Variants in CRPPA observed in about 807,000 individuals in gnomAD.
The protein encoded by CRPPA is CDP-L-ribitol pyrophosphorylase A.
A neutral mutation model predicts 52.0 loss-of-function variants in CRPPA; 43 were observed. That is an observed-to-expected ratio of 0.83 (90% CI 0.65 to 1.07). CRPPA has a LOEUF of 1.07. CRPPA is among the 50% of genes least tolerant of loss of function. The pLI is 0.00. For missense variants in CRPPA, 629 were observed against 551.7 expected (o/e 1.14, Z -1.40); for synonymous variants, 250 against 203.5 (o/e 1.23, Z -1.94).
At chr7:16,360,259 A>G (rs1365144841) in intron 3 of CRPPA, among the ~76,000 whole-genome samples, 2 of 152,208 alleles carry the variant, frequency 1.3e-5, no homozygotes, top group Non-Finnish European at 2.9e-5. Flanking sequence ...GCTGTATTTT[A>G]TACTATTAAA....
At chr7:16,214,328 A>G (rs1291340690) in intron 9 of CRPPA, among the ~76,000 whole-genome samples, 1 of 152,192 alleles carries the variant, frequency 6.6e-6, no homozygotes, top group Non-Finnish European at 1.5e-5. Context: ...CCCTAGCCAA[A>G]TGAGAGTTCC....
At chr7:16,126,275 T>C (rs1004039800) in intron 9 of CRPPA, among the ~76,000 whole-genome samples, 3 of 152,160 alleles carry the variant, frequency 2.0e-5, no homozygotes, top group African/African-American at 7.2e-5. Context: ...TGAAATCATG[T>C]GGGCACTTTG....
intron 3 of CRPPA, among the ~76,000 whole-genome samples, chr7:16,310,607 G>A (rs1186666503): frequency 3.3e-5 from 5 of 152,222 alleles, no homozygotes; most frequent in South Asian, 2.1e-4. Flanking sequence ...GGAAAGAGTC[G>A]TGTGACTCAT....
chr7:16,216,524 A>C, intron 8 of CRPPA: 2 of 248,082 alleles, frequency 8.1e-6, no homozygotes, highest in Non-Finnish European at 1.6e-5. Flanking sequence ...TTTCCATCTG[A>C]GGTACCGGGT....
intron 3 of CRPPA, among the ~76,000 whole-genome samples, chr7:16,374,664 T>C (rs1262219997): frequency 6.6e-6 from 1 of 152,110 alleles, no homozygotes; most frequent in Admixed American, 6.5e-5. Context: ...TACTCTTTCC[T>C]CCTGTCCCCA....
At chr7:16,182,483 G>A (rs1781430738) in intron 9 of CRPPA, among the ~76,000 whole-genome samples, 1 of 151,976 alleles carries the variant, frequency 6.6e-6, no homozygotes, top group African/African-American at 2.4e-5. Flanking sequence ...TGTTACAAAG[G>A]TGCTTTATAT....
At chr7:16,371,445 T>C (rs929246023) in intron 3 of CRPPA, among the ~76,000 whole-genome samples, 2 of 151,794 alleles carry the variant, frequency 1.3e-5, no homozygotes, top group African/African-American at 4.8e-5. Context: ...ACTCAGGAAC[T>C]CATGCAGCAT....
intron 9 of CRPPA, among the ~76,000 whole-genome samples, chr7:16,179,773 T>C (rs1781375150): frequency 6.6e-6 from 1 of 152,092 alleles, no homozygotes; most frequent in African/African-American, 2.4e-5. Context: ...CACTGTGGCA[T>C]ACGTTATTTG....
intron 6 of CRPPA, among the ~76,000 whole-genome samples, chr7:16,265,407 A>G (rs956127845): frequency 3.3e-5 from 5 of 152,214 alleles, no homozygotes; most frequent in African/African-American, 1.2e-4. Context: ...TGCAACTTAA[A>G]AGTCACAGCA....
chr7:16,143,946 A>G (rs1156475791), intron 9 of CRPPA, among the ~76,000 whole-genome samples: 3 of 152,190 alleles, frequency 2.0e-5, no homozygotes, highest in African/African-American at 7.2e-5. Context: ...TATTAACAAG[A>G]TGGGGGAACA....
chr7:16,286,038 A>T (rs1033532326), intron 5 of CRPPA, among the ~76,000 whole-genome samples: 915 of 17,386 alleles, frequency 0.053, 28 homozygotes, highest in African/African-American at 0.083. Flanking sequence ...AAAAAAAAAA[A>T]ATATAAATAT....
At chr7:16,307,916 A>G (rs1233518759) in intron 4 of CRPPA, among the ~76,000 whole-genome samples, 1 of 6,414 alleles carries the variant, frequency 1.6e-4, no homozygotes, top group Non-Finnish European at 2.8e-4. Flanking sequence ...CTGAGTGAAG[A>G]AAAAAAAAAA....
chr7:16,259,777 T>C (rs1412892108), intron 6 of CRPPA, among the ~76,000 whole-genome samples: 1 of 152,002 alleles, frequency 6.6e-6, no homozygotes, highest in Non-Finnish European at 1.5e-5. Context: ...GTATTACATT[T>C]AGAATGCTTT....
At chr7:16,216,272 G>A in intron 8 of CRPPA, 75 bp from the exon 9 acceptor site, 1 of 917,904 alleles carries the variant, frequency 1.1e-6, no homozygotes, top group Non-Finnish European at 1.6e-6. Flanking sequence ...CATTAAAGAA[G>A]CTCAAAACCC....
chr7:16,111,474 C>T (rs1782263358), intron 9 of CRPPA, among the ~76,000 whole-genome samples: 2 of 152,152 alleles, frequency 1.3e-5, no homozygotes, highest in Admixed American at 6.5e-5. Flanking sequence ...GCACTCACTC[C>T]CATGGTCATT....
At chr7:16,408,119 A>AAT (rs1787997760) in intron 1 of CRPPA, among the ~76,000 whole-genome samples, 1 of 150,668 alleles carries the variant, frequency 6.6e-6, no homozygotes, top group African/African-American at 2.5e-5. Context: ...AAAAAAAAAA[A>AAT]AATAAAAAAA....
chr7:16,160,991 G>C (rs1295163315), intron 9 of CRPPA, among the ~76,000 whole-genome samples: 3 of 152,146 alleles, frequency 2.0e-5, no homozygotes, highest in East Asian at 3.9e-4. Context: ...AGGAAAGCTT[G>C]TGATTTTTGC....
intron 4 of CRPPA, 87 bp downstream of exon 4, chr7:16,308,436 C>T (rs1784961790): frequency 4.1e-6 from 3 of 734,260 alleles, no homozygotes; most frequent in Admixed American, 2.1e-5. Flanking sequence ...TTAACTCCTA[C>T]TCAATGCACT....
Position 16,244,558 on chromosome 7 carries a change from A to T in CRPPA, c.1119+13832T>A, listed in dbSNP as rs187307705. Among the ~76,000 whole-genome samples the T allele has an allele frequency of 4.3e-3, 654 of 152,336 alleles. 12 individuals carry two copies. The highest frequency in any genetic ancestry group is 5.4e-3 in the Non-Finnish European group (369 of 68,024). The stretch of plus-strand genomic sequence containing the variant: ...TCATCAGTATTGTATGCTGAAACAA[A>T]TTTCTACCACTTAAACCTAACCCAA... On this transcript the variant is annotated intron_variant, in intron 8 of 9. Transcript: ENST00000407010.
Sources: gnomAD v4.1 joint callset for allele counts (sites outside exome capture counted in the v4.1 genomes callset) on GRCh38, gnomAD v4.1.1 for gene constraint, MANE v1.5 for transcripts, NCBI Gene and HGNC (gene_info 2026-07-23, HGNC 2026-07-21) for gene names.